The following ULK3 variants were observed in gnomAD, a reference collection of about 807,000 sequenced individuals.
ULK3 encodes the protein serine/threonine-protein kinase ULK3.
A neutral mutation model predicts 69.4 loss-of-function variants in ULK3; 54 were observed. The ratio of observed to expected loss-of-function variants is 0.78; its 90% CI spans 0.63 to 0.98. The LOEUF (loss-of-function observed/expected upper bound fraction) is 0.98. Ranked by LOEUF, ULK3 falls within the 50% of genes least tolerant of loss-of-function variation. The pLI, the probability that ULK3 is intolerant of heterozygous loss-of-function variation, is 0.00. For missense variants in ULK3, 558 were observed against 627.7 expected (o/e 0.89, Z 1.19); for synonymous variants, 240 against 254.5 (o/e 0.94, Z 0.54).
intron 4 of ULK3, among the ~76,000 whole-genome samples, chr15:74,840,947 C>T (rs1199541967): frequency 2.0e-5 from 3 of 151,964 alleles, no homozygotes; most frequent in Non-Finnish European, 4.4e-5. Context: ...CAGTCTCTGG[C>T]CTCCAGTGTC....
chr15:74,839,696 C>G lies in ULK3; in HGVS notation c.714G>C (p.Leu238=). 6.5e-7 allele frequency: 1 copy of G among 1,549,352 alleles called. No homozygotes were observed. Among genetic ancestry groups the G allele is most frequent in the Non-Finnish European group, 8.7e-7 (1 of 1,149,950 alleles). The change falls in exon 7 of 16, where the codon CTG becomes CTC. Residue 238 remains leucine, a synonymous_variant. Coordinates refer to ENST00000440863, the MANE Select transcript of ULK3 (RefSeq NM_001099436.4). ...NRVIELPLRP[L]LSRDCRDLLQ... ...GTAGGTCCCGGCAGTCTCGGGAGAG[C>G]AGGGGCCGCAAGGGGAGCTGCAGGG...
In ULK3 at chr15:74,838,196, TAA is replaced by T; in HGVS notation, c.1247-6_1247-5del. The T allele has an allele frequency of 6.4e-7, 1 of 1,567,598 alleles. No individual in the cohort carries two copies. Among genetic ancestry groups the T allele is most frequent in the Non-Finnish European group, 8.6e-7 (1 of 1,156,732 alleles). The stretch of plus-strand genomic sequence containing the variant: ...CGCCTCCGGCCCGGGGGCTCCGCTG[TAA>T]AGAGAGGGTGTGTGGTGAGGACAGG... On this transcript the variant is annotated splice_region_variant and splice_polypyrimidine_tract_variant and intron_variant, in intron 12 of 15. Transcript: ENST00000440863.
Position 74,839,371 on chromosome 15 carries a change from G to A in ULK3, c.855C>T (p.Thr285=), listed in dbSNP as rs200900058. The A allele has an allele frequency of 6.2e-5, 97 of 1,559,406 alleles. No homozygotes were observed. In the Admixed American group the frequency reaches 6.5e-4, roughly 11 times the overall value. Residue 285 remains threonine (T), a splice_region_variant and synonymous_variant, in exon 8 of 16, where the codon ACC becomes ACT. Transcript: ENST00000440863. ...TCTTCACAGCCTGCACCACCAGGGC[G>A]GTCTGGGGATGGGCAGATCAGGGGT... The part of the protein sequence containing the change: ...MPSGESLGRA[T]ALVVQAVKKD...
intron 3 of ULK3, 110 bp from the exon 4 acceptor site, chr15:74,841,619 C>T: frequency 1.1e-6 from 1 of 874,170 alleles, no homozygotes; most frequent in Non-Finnish European, 1.8e-6. Flanking sequence ...CAGTTCCTGC[C>T]TGGCTGGTCT....
At position 74,836,190 on chromosome 15, in the gene ULK3, A is replaced by T. The variant is rs2064012967; in HGVS notation, c.*1038T>A. The T allele has an allele frequency of 6.6e-6, 1 of 152,248 alleles. No individual in the cohort carries two copies. The highest frequency in any genetic ancestry group is 2.4e-5 in the African/African-American group (1 of 41,450). 9.4% of individuals were successfully genotyped at this position (152,248 alleles called of 1,614,324 possible). A position where few individuals can be genotyped will look rare whatever the true frequency, so the allele number is the denominator to read the frequency against. On this transcript the variant is annotated 3_prime_UTR_variant, in exon 16 of 16. Coordinates refer to ENST00000440863, the MANE Select transcript of ULK3 (RefSeq NM_001099436.4). The surrounding 1 kb of genome is among the most constrained non-coding windows in gnomAD (Gnocchi z 4.0). Reference sequence around the variant, plus strand: ...TCAGCCTCCTGCAGGGAGGACAGACAGCTCTTGCCCAAGGAAGCATTTAAG... The same window carrying T: ...TCAGCCTCCTGCAGGGAGGACAGACTGCTCTTGCCCAAGGAAGCATTTAAG...
In ULK3 at chr15:74,838,466, C is replaced by T. The variant is rs1470806703; in HGVS notation, c.1141G>A (p.Glu381Lys). The T allele has an allele frequency of 1.3e-6, 2 of 1,581,122 alleles. No homozygotes were observed. Among genetic ancestry groups the T allele is most frequent in the Non-Finnish European group, 1.7e-6 (2 of 1,163,578 alleles). Residue 381 changes from glutamate to lysine, a missense_variant, in exon 11 of 16, where the codon GAA becomes AAA. Glu to Lys is a moderately conservative substitution (Grantham distance 56, BLOSUM62 1). Coordinates refer to ENST00000440863, the MANE Select transcript of ULK3 (RefSeq NM_001099436.4). ...TTGGCCATGGCAGCTGAAGCCACTT[C>T]CAGGGCAGCTAGGAGGCGTGGCTTG... ...RDKPRLLAAL[E>K]VASAAMAKEE...
At chr15:74,839,466 C>T (rs2064161572) in intron 7 of ULK3, 92 bp downstream of exon 7, 2 of 1,540,764 alleles carry the variant, frequency 1.3e-6, no homozygotes, top group African/African-American at 2.7e-5. Context: ...CGCCCTCTGT[C>T]TCTGTTGGGT....
At chr15:74,841,589 T>G in intron 3 of ULK3, 80 bp from the exon 4 acceptor site, 1 of 1,188,670 alleles carries the variant, frequency 8.4e-7, no homozygotes, top group Non-Finnish European at 1.2e-6. Context: ...CACATCTGCC[T>G]CCTCAAGCCT....
chr15:74,842,151 C>T lies in ULK3; in HGVS notation c.288G>A (p.Gly96=). 6.2e-7 allele frequency: 1 copy of T among 1,613,970 alleles called. No individual in the cohort carries two copies. Among genetic ancestry groups the T allele is most frequent in the Non-Finnish European group, 8.5e-7 (1 of 1,179,888 alleles). Residue 96 remains glycine, a synonymous_variant, in exon 3 of 16, where the codon GGG becomes GGA. Coordinates refer to ENST00000440863, the MANE Select transcript of ULK3 (RefSeq NM_001099436.4). The surrounding 1 kb of genome is among the most constrained non-coding windows in gnomAD (Gnocchi z 4.9). ...NIYLIMEFCA[G]GDLSRFIHTR... ...TATGGATGAAGCGAGACAGGTCGCC[C>T]CCTGCGCAAAACTCCATGATGAGGT...
In ULK3 at chr15:74,838,731, C is replaced by T. The variant is rs758570828; in HGVS notation, c.1014G>A (p.Val338=). 1 of 1,609,628 alleles carries T rather than the reference C, an allele frequency of 6.2e-7. No individual in the cohort carries two copies. The highest frequency in any genetic ancestry group is 8.5e-7 in the Non-Finnish European group (1 of 1,177,718). Residue 338 remains valine, a synonymous_variant, in exon 10 of 16, where the codon GTG becomes GTA. Transcript: ENST00000440863. ...EAIKAKVGQY[V]SRAEELKAIV... The stretch of plus-strand genomic sequence containing the variant: ...TGGCCTTGAGCTCCTCAGCCCGGGA[C>T]ACGTACTGCCCCACCTGTAGCAGGG...
In ULK3 at chr15:74,840,488, G is replaced by A. The variant is rs1466599786; in HGVS notation, c.613+10C>T. On this transcript the variant is annotated intron_variant, in intron 5 of 15. Coordinates refer to ENST00000440863, the MANE Select transcript of ULK3 (RefSeq NM_001099436.4). ...GCCTCAGGGTGAGAAGCAGGGAAAA[G>A]AGGTCTCACCATACAGGATGACCCC... 2 of 1,601,906 alleles carry A rather than the reference G, an allele frequency of 1.2e-6. No homozygotes were observed. Among genetic ancestry groups the A allele is most frequent in the Non-Finnish European group, 1.7e-6 (2 of 1,174,572 alleles).
chr15:74,838,526 A>G, intron 10 of ULK3, 22 bp from the exon 11 acceptor site: 1 of 1,567,984 alleles, frequency 6.4e-7, no homozygotes, highest in Non-Finnish European at 8.6e-7. Flanking sequence ...GGAAAGGCTC[A>G]GGGTGAGGGA....
chr15:74,842,698 T>C lies in ULK3; in HGVS notation c.103-278A>G. On this transcript the variant is annotated intron_variant, in intron 1 of 15. Transcript: ENST00000440863. The surrounding 1 kb of genome is among the most constrained non-coding windows in gnomAD (Gnocchi z 4.9). ...TTCTGGAGTGCTCCCGGCAGAGGCA[T>C]GTCACTCAGGGTTCTAGAACCGCCC... The C allele has an allele frequency of 6.5e-7, 1 of 1,534,040 alleles. No individual in the cohort carries two copies. The highest frequency in any genetic ancestry group is 8.7e-7 in the Non-Finnish European group (1 of 1,145,550).
chr15:74,839,226 C>T (rs8039777), intron 8 of ULK3, 42 bp downstream of exon 8: 175,881 of 1,543,802 alleles, frequency 0.11, 11,535 homozygotes, highest in East Asian at 0.32. Context: ...TGACTCCCAT[C>T]CCTGCTGCAC....
At chr15:74,841,271 C>A in intron 4 of ULK3, 134 bp downstream of exon 4, 1 of 677,632 alleles carries the variant, frequency 1.5e-6, no homozygotes, top group South Asian at 2.2e-5. Context: ...AGGGCCCAAC[C>A]CCAGACTTCA....
intron 9 of ULK3, 83 bp from the exon 10 acceptor site, chr15:74,838,828 T>C (rs2064130177): frequency 7.0e-7 from 1 of 1,427,680 alleles, no homozygotes; most frequent in Admixed American, 2.0e-5. Context: ...CCCTTTGCAT[T>C]GTTAGTGACT....
Position 74,840,316 on chromosome 15 carries a change from T to C in ULK3, c.614A>G (p.Glu205Gly), listed in dbSNP as rs2064199473. The change falls in exon 6 of 16, where the codon GAA (glutamate) becomes GGA (glycine). Residue 205 changes from glutamate (E) to glycine (G), a missense_variant and splice_region_variant. Coordinates refer to ENST00000440863, the MANE Select transcript of ULK3 (RefSeq NM_001099436.4). ...AAAGGGGGGCTGCCCGAAGAGGGCT[T>C]CTGTGGAAGGGAGGCAGAGCGGAGG... ...DLWSMGVILY[E>G]ALFGQPPFAS... 3 of 1,608,264 alleles carry C rather than the reference T, an allele frequency of 1.9e-6. No individual in the cohort carries two copies. In the African/African-American group the frequency reaches 4.0e-5, roughly 22 times the overall value.
chr15:74,839,454 C>G (rs2064160474), intron 7 of ULK3, 81 bp from the exon 8 acceptor site: 1 of 1,540,686 alleles, frequency 6.5e-7, no homozygotes, highest in African/African-American at 1.4e-5. Context: ...CTCCCCTGAG[C>G]CCGCCCTCTG....
rs759638140 is a variant in ULK3 at position 74,838,191 on chromosome 15, C to T, written c.1248G>A (p.Ala416=). 86 of 1,566,542 alleles carry T rather than the reference C, an allele frequency of 5.5e-5. No individual in the cohort carries two copies. Among genetic ancestry groups the T allele is most frequent in the Non-Finnish European group, 7.0e-5 (81 of 1,156,248 alleles). Reference sequence around the variant, plus strand: ...GCTCCCGCCTCCGGCCCGGGGGCTCCGCTGTAAAGAGAGGGTGTGTGGTGA... The same window carrying T: ...GCTCCCGCCTCCGGCCCGGGGGCTCTGCTGTAAAGAGAGGGTGTGTGGTGA... ...SLGELLLLLA[A]EPPGRRRELL... Residue 416 remains alanine (A), a splice_region_variant and synonymous_variant, in exon 13 of 16, where the codon GCG becomes GCA. Coordinates refer to ENST00000440863, the MANE Select transcript of ULK3 (RefSeq NM_001099436.4).
Sources: allele counts gnomAD v4.1 joint callset (sites outside exome capture counted in the v4.1 genomes callset), GRCh38; gene constraint gnomAD v4.1.1; non-coding constraint Gnocchi (gnomAD v3.1); transcripts MANE v1.5; gene names NCBI Gene and HGNC (gene_info 2026-07-23, HGNC 2026-07-21).